Variants in MAF observed in about 807,000 individuals in gnomAD.
MAF encodes transcription factor Maf.
A neutral mutation model predicts 22.0 loss-of-function variants in MAF; 10 were observed. The observed-to-expected ratio is 0.45, with a 90% CI of 0.28 to 0.77. The LOEUF is 0.77. Ranked by LOEUF, MAF falls within the 30% of genes least tolerant of loss-of-function variation. The pLI is 0.12. For synonymous variants in MAF, 337 were observed against 255.8 expected, an observed-to-expected ratio of 1.32 and a Z score of -3.03; for missense variants, 544 against 548.4, an observed-to-expected ratio of 0.99 and a Z score of 0.08.
At chr16:79,538,593 G>T in the MAF span, among the ~76,000 whole-genome samples, 10,085 of 152,076 alleles carry the variant, frequency 0.066, 522 homozygotes, top group Non-Finnish European at 0.088. Flanking sequence ...TAATTAAAAG[G>T]CCAGAGATAA....
chr16:79,422,297 C>A, the MAF span, among the ~76,000 whole-genome samples: 1 of 152,134 alleles, frequency 6.6e-6, no homozygotes, highest in Non-Finnish European at 1.5e-5. Flanking sequence ...TAGTCAATGA[C>A]GTCAAAGTGA....
the MAF span, among the ~76,000 whole-genome samples, chr16:79,399,338 T>A: frequency 6.6e-6 from 1 of 152,136 alleles, no homozygotes; most frequent in Non-Finnish European, 1.5e-5. Flanking sequence ...TATTATTATA[T>A]CATCATCATC....
At chr16:79,220,338 C>T in the MAF span, among the ~76,000 whole-genome samples, 1 of 151,596 alleles carries the variant, frequency 6.6e-6, no homozygotes, top group Non-Finnish European at 1.5e-5. Context: ...AACACATGTG[C>T]CCATAGTCCC....
chr16:79,225,999 T>C, the MAF span, among the ~76,000 whole-genome samples: 1 of 152,164 alleles, frequency 6.6e-6, no homozygotes, highest in East Asian at 1.9e-4. Context: ...GAACTAGAAA[T>C]ACCATTTGAC....
At chr16:79,257,966 T>C in the MAF span, among the ~76,000 whole-genome samples, 1 of 152,234 alleles carries the variant, frequency 6.6e-6, no homozygotes, top group Non-Finnish European at 1.5e-5. Flanking sequence ...CCATGATTTC[T>C]AAAAACTAAC....
chr16:79,289,632 G>A, the MAF span, among the ~76,000 whole-genome samples: 28,557 of 152,006 alleles, frequency 0.19, 3,169 homozygotes, highest in East Asian at 0.54. Context: ...TGGCCATATG[G>A]TTATCATGAC....
At chr16:79,402,602 A>G in the MAF span, among the ~76,000 whole-genome samples, 14 of 152,178 alleles carry the variant, frequency 9.2e-5, no homozygotes, top group African/African-American at 3.4e-4. Context: ...AGGCCAGAGG[A>G]AGGCCAAGGT....
the MAF span, among the ~76,000 whole-genome samples, chr16:79,525,344 C>G: frequency 1.3e-5 from 2 of 152,130 alleles, no homozygotes; most frequent in Admixed American, 6.6e-5. Context: ...CTTGGCAAGA[C>G]AACAGAAATT....
chr16:79,502,178 C>G, the MAF span, among the ~76,000 whole-genome samples: 1 of 152,102 alleles, frequency 6.6e-6, no homozygotes. Flanking sequence ...AAGGTACATA[C>G]GGTGGAAGGA....
At chr16:79,455,325 G>A in the MAF span, among the ~76,000 whole-genome samples, 1 of 151,994 alleles carries the variant, frequency 6.6e-6, no homozygotes, top group South Asian at 2.1e-4. Context: ...TAAATAAATG[G>A]CCCTTTAAAA....
intron 1 of MAF, chr16:79,598,104 T>G: frequency 1.9e-6 from 2 of 1,045,062 alleles, no homozygotes; most frequent in Non-Finnish European, 2.3e-6. Flanking sequence ...ATTTCACATT[T>G]TTTTTTCCTT....
chr16:79,338,388 G>A, the MAF span, among the ~76,000 whole-genome samples: 1 of 152,192 alleles, frequency 6.6e-6, no homozygotes, highest in African/African-American at 2.4e-5. Flanking sequence ...GGGAGTGACA[G>A]TATCAGATTT....
the MAF span, among the ~76,000 whole-genome samples, chr16:79,505,441 G>A: frequency 2.0e-5 from 3 of 152,186 alleles, no homozygotes; most frequent in African/African-American, 2.4e-5. Flanking sequence ...AAAGGAGGAA[G>A]ATTAAAATTT....
the MAF span, among the ~76,000 whole-genome samples, chr16:79,561,470 C>G: frequency 7.0e-6 from 1 of 143,468 alleles, no homozygotes; most frequent in African/African-American, 2.6e-5. Flanking sequence ...TCCCCCCTCC[C>G]CTCACCCCAA....
At chr16:79,429,434 C>A in the MAF span, among the ~76,000 whole-genome samples, 1 of 152,152 alleles carries the variant, frequency 6.6e-6, no homozygotes, top group East Asian at 1.9e-4. Context: ...TGGCAGGAGA[C>A]CTCCCCTCTG....
At chr16:79,406,455 C>G in the MAF span, among the ~76,000 whole-genome samples, 1 of 152,140 alleles carries the variant, frequency 6.6e-6, no homozygotes, top group Admixed American at 6.5e-5. Flanking sequence ...TCTGGTGACA[C>G]TGAATTTAGG....
the MAF span, among the ~76,000 whole-genome samples, chr16:79,251,062 CTGA>C: frequency 2.6e-5 from 4 of 151,690 alleles, no homozygotes; most frequent in South Asian, 6.2e-4. Context: ...CAGAGCAACC[CTGA>C]TGATATTAGA....
chr16:79,458,971 T>A, the MAF span, among the ~76,000 whole-genome samples: 1 of 152,198 alleles, frequency 6.6e-6, no homozygotes, highest in Admixed American at 6.5e-5. Context: ...ACATATATAT[T>A]ACTTCTTTTT....
chr16:79,363,727 T>A, the MAF span, among the ~76,000 whole-genome samples: 1 of 152,074 alleles, frequency 6.6e-6, no homozygotes, highest in Non-Finnish European at 1.5e-5. Context: ...CTGACCTCAG[T>A]GAATGGGGTC....
Sources: allele counts gnomAD v4.1 joint callset (sites outside exome capture counted in the v4.1 genomes callset), GRCh38; gene constraint gnomAD v4.1.1; transcripts MANE v1.5; gene names NCBI Gene and HGNC (gene_info 2026-07-23, HGNC 2026-07-21).